The following PPP6R3 variants were observed in gnomAD, a reference collection of about 807,000 sequenced individuals.
PPP6R3 encodes the protein protein phosphatase 6 regulatory subunit 3, also known as serine/threonine-protein phosphatase 6 regulatory subunit 3.
A neutral mutation model predicts 110.7 loss-of-function variants in PPP6R3; 38 were observed. That is an observed-to-expected ratio of 0.34 (90% confidence interval 0.26 to 0.45). The LOEUF is 0.45. PPP6R3 is among the 20% of genes least tolerant of loss of function. The pLI is 1.00. For missense variants in PPP6R3, 870 were observed against 1,062.4 expected, an observed-to-expected ratio of 0.82 and a Z score of 2.52; for synonymous variants, 369 against 373.5, an observed-to-expected ratio of 0.99 and a Z score of 0.14.
At chr11:68,579,560 G>A (rs1050817189) in intron 14 of PPP6R3, among the ~76,000 whole-genome samples, 3 of 152,154 alleles carry the variant, frequency 2.0e-5, no homozygotes, top group South Asian at 4.1e-4. Flanking sequence ...TGCCTACAAT[G>A]TGCCAGACAC....
chr11:68,465,104 TCTC>T (rs1420724334), intron 1 of PPP6R3, among the ~76,000 whole-genome samples: 1 of 152,040 alleles, frequency 6.6e-6, no homozygotes, highest in African/African-American at 2.4e-5. Context: ...CTGGTCCCGA[TCTC>T]CTGACCTCAA....
intron 14 of PPP6R3, among the ~76,000 whole-genome samples, chr11:68,581,264 G>GTT (rs1305613035): frequency 6.6e-6 from 1 of 152,194 alleles, no homozygotes; most frequent in Non-Finnish European, 1.5e-5. Flanking sequence ...TGAGGATCCA[G>GTT]TTTAAGTAGA....
chr11:68,612,214 C>T (rs1171194088), intron 23 of PPP6R3, among the ~76,000 whole-genome samples: 1 of 152,200 alleles, frequency 6.6e-6, no homozygotes, highest in Non-Finnish European at 1.5e-5. Flanking sequence ...CTATGTCTCT[C>T]ATACACGGAG....
At chr11:68,519,058 TACTC>T (rs1343122511) in intron 1 of PPP6R3, among the ~76,000 whole-genome samples, 2 of 152,258 alleles carry the variant, frequency 1.3e-5, no homozygotes, top group Non-Finnish European at 2.9e-5. Flanking sequence ...CTTAATGTTC[TACTC>T]ACGCTTCCTG....
intron 1 of PPP6R3, among the ~76,000 whole-genome samples, chr11:68,461,327 C>T (rs1048168667): frequency 6.6e-6 from 1 of 152,132 alleles, no homozygotes; most frequent in Admixed American, 6.5e-5. Context: ...CTCTGCTCTT[C>T]GGGAAACAAG....
At chr11:68,542,937 A>T (rs563035063) in intron 3 of PPP6R3, among the ~76,000 whole-genome samples, 1 of 152,272 alleles carries the variant, frequency 6.6e-6, no homozygotes, top group East Asian at 1.9e-4. Flanking sequence ...CTTGCCTTTT[A>T]CTGATCTTCT....
At chr11:68,543,285 C>A (rs1272683384) in intron 3 of PPP6R3, among the ~76,000 whole-genome samples, 1 of 152,120 alleles carries the variant, frequency 6.6e-6, no homozygotes, top group African/African-American at 2.4e-5. Context: ...CTGCATCAGC[C>A]CACTCCTGGG....
intron 19 of PPP6R3, among the ~76,000 whole-genome samples, chr11:68,596,510 T>C (rs920963203): frequency 2.8e-4 from 43 of 152,208 alleles, no homozygotes; most frequent in African/African-American, 9.9e-4. Context: ...CTTCTGGCTG[T>C]GTACCCTGTG....
At position 68,603,349 on chromosome 11, in the gene PPP6R3, C is replaced by T; in HGVS notation, c.2307C>T (p.Gly769=). 3 of 1,613,720 alleles carry T rather than the reference C, an allele frequency of 1.9e-6. No homozygotes were observed. Among genetic ancestry groups the T allele is most frequent in the Non-Finnish European group, 2.5e-6 (3 of 1,179,940 alleles). The change falls in exon 22 of 24, where the codon GGC becomes GGT. Residue 769 remains glycine (G), a synonymous_variant. Transcript: ENST00000393800. ...AALAVQPEAA[G]SVAMEASSDG... is the part of the protein sequence containing the mutation. ...CAGCTGTGTTCTTTTCAGCGGCAGG[C>T]AGTGTGGCCATGGAAGCCAGCTCTG...
chr11:68,584,816 A>G (rs951614925), intron 15 of PPP6R3, among the ~76,000 whole-genome samples: 1 of 152,202 alleles, frequency 6.6e-6, no homozygotes, highest in Non-Finnish European at 1.5e-5. Context: ...TGGAAGAATA[A>G]TTACTCTTTT....
intron 1 of PPP6R3, among the ~76,000 whole-genome samples, chr11:68,506,414 CAAAAAAAAAAAAAAAAAAAAAAAAAA>C (rs67739319): frequency 2.2e-5 from 1 of 46,048 alleles, no homozygotes; most frequent in Non-Finnish European, 4.3e-5. Context: ...CCTTTATACT[CAAAAAAAAAAAAAAAAAAAAAAAAAA>C]AAAAAAAATT....
chr11:68,543,617 C>T (rs2099330485), intron 3 of PPP6R3, among the ~76,000 whole-genome samples: 1 of 152,200 alleles, frequency 6.6e-6, no homozygotes, highest in Non-Finnish European at 1.5e-5. Flanking sequence ...CCTCCTGCCC[C>T]AGTCTTCCCT....
intron 8 of PPP6R3, among the ~76,000 whole-genome samples, chr11:68,563,644 A>G (rs550625944): frequency 2.0e-5 from 3 of 152,376 alleles, no homozygotes; most frequent in East Asian, 1.9e-4. Context: ...ATGCAGGGCA[A>G]CTGGAAGTCA....
Position 68,613,642 on chromosome 11 carries a change from A to AT in PPP6R3, c.*529dup. On this transcript the variant is annotated 3_prime_UTR_variant, in exon 24 of 24. Transcript: ENST00000393800. ...TTGGTTGTTCTAACTTACAAAAGTG[A>AT]TTTTGAATAAGAAATATTTGGTGTT... 2.0e-6 allele frequency: 2 copies of AT among 985,544 alleles called. No individual in the cohort carries two copies. Among genetic ancestry groups the AT allele is most frequent in the Non-Finnish European group, 2.4e-6 (2 of 829,668 alleles). 61.0% of individuals were successfully genotyped at this position (985,544 alleles called of 1,614,324 possible).
intron 1 of PPP6R3, among the ~76,000 whole-genome samples, chr11:68,461,985 A>G (rs1440230741): frequency 2.0e-5 from 3 of 151,996 alleles, no homozygotes; most frequent in African/African-American, 7.3e-5. Flanking sequence ...GGAGTCAGTG[A>G]CCACTTTTTA....
chr11:68,500,329 C>G (rs1739763810), intron 1 of PPP6R3, among the ~76,000 whole-genome samples: 1 of 151,898 alleles, frequency 6.6e-6, no homozygotes, highest in Admixed American at 6.6e-5. Flanking sequence ...TGCTCTTCTC[C>G]CACCATGCCT....
intron 12 of PPP6R3, 192 bp downstream of exon 12, chr11:68,571,296 C>T: frequency 1.2e-6 from 1 of 825,966 alleles, no homozygotes; most frequent in Non-Finnish European, 1.7e-6. Flanking sequence ...GTTAGGTCCT[C>T]TTGTTTTTGG....
intron 1 of PPP6R3, among the ~76,000 whole-genome samples, chr11:68,468,752 A>G (rs2098767276): frequency 6.6e-6 from 1 of 152,242 alleles, no homozygotes; most frequent in Non-Finnish European, 1.5e-5. Context: ...TTTAATGTAT[A>G]TAACTGTGAA....
chr11:68,471,336 A>G (rs1240762288), intron 1 of PPP6R3, among the ~76,000 whole-genome samples: 1 of 151,790 alleles, frequency 6.6e-6, no homozygotes, highest in Non-Finnish European at 1.5e-5. Flanking sequence ...TTTAGGTGGC[A>G]TTTAACAGTC....
Sources: allele counts gnomAD v4.1 joint callset (sites outside exome capture counted in the v4.1 genomes callset), GRCh38; gene constraint gnomAD v4.1.1; transcripts MANE v1.5; gene names NCBI Gene and HGNC (gene_info 2026-07-23, HGNC 2026-07-21).